LMNTD1: variants seen among roughly 807,000 people sequenced by gnomAD.
The protein encoded by LMNTD1 is lamin tail domain-containing protein 1.
A neutral mutation model predicts 50.9 loss-of-function variants in LMNTD1; 35 were observed. The ratio of observed to expected loss-of-function variants is 0.69; its 90% confidence interval spans 0.53 to 0.91. The LOEUF is 0.91. LMNTD1 is among the 40% of genes least tolerant of loss of function. The pLI is 0.00. For missense variants in LMNTD1, 470 were observed against 475.5 expected (o/e 0.99, Z 0.11); for synonymous variants, 153 against 161.9 (o/e 0.94, Z 0.42).
chr12:25,525,423 G>T (rs750167981), intron 6 of LMNTD1, among the ~76,000 whole-genome samples: 1 of 152,068 alleles, frequency 6.6e-6, no homozygotes, highest in African/African-American at 2.4e-5. Context: ...AAATAGAGAA[G>T]AGTATCAATA....
At chr12:25,535,731 T>C (rs1222689042) in intron 4 of LMNTD1, among the ~76,000 whole-genome samples, 1 of 152,104 alleles carries the variant, frequency 6.6e-6, no homozygotes, top group Non-Finnish European at 1.5e-5. Context: ...ATCATATTAA[T>C]GATAGCCTTA....
intron 1 of LMNTD1, among the ~76,000 whole-genome samples, chr12:25,623,133 C>T (rs1024647475): frequency 1.3e-5 from 2 of 152,076 alleles, no homozygotes. Flanking sequence ...AAAACTCTAT[C>T]GTTTCCTGTA....
At chr12:25,557,285 G>A (rs1025110017), upstream of LMNTD1, 8 of 152,144 alleles carry the variant, frequency 5.3e-5, no homozygotes, top group Non-Finnish European at 1.0e-4. Context: ...TATTTCAAGA[G>A]AGGCTAGAGG....
chr12:25,603,561 G>A (rs906762420), intron 1 of LMNTD1, among the ~76,000 whole-genome samples: 1 of 151,850 alleles, frequency 6.6e-6, no homozygotes, highest in African/African-American at 2.4e-5. Flanking sequence ...GCCCCTAAGA[G>A]GTAAGTACAG....
At chr12:25,644,337 T>C (rs1466054760) in intron 1 of LMNTD1, among the ~76,000 whole-genome samples, 1 of 82,184 alleles carries the variant, frequency 1.2e-5, no homozygotes, top group Non-Finnish European at 2.9e-5. Context: ...AAAAAAAAAT[T>C]AGCCAAGCAT....
intron 2 of LMNTD1, among the ~76,000 whole-genome samples, chr12:25,552,344 C>A (rs558489958): frequency 6.6e-6 from 1 of 151,784 alleles, no homozygotes; most frequent in Admixed American, 6.6e-5. Flanking sequence ...GGAGGCCAGG[C>A]GCGGTGGCTC....
At chr12:25,483,766 C>A (rs1388778727) in intron 9 of LMNTD1, among the ~76,000 whole-genome samples, 1 of 53,088 alleles carries the variant, frequency 1.9e-5, no homozygotes, top group Non-Finnish European at 4.6e-5. Flanking sequence ...GAGTGACATT[C>A]CATCTCAAAA....
chr12:25,518,467 T>C (rs2136026275), intron 8 of LMNTD1, among the ~76,000 whole-genome samples: 1 of 146,228 alleles, frequency 6.8e-6, no homozygotes, highest in South Asian at 2.3e-4. Flanking sequence ...TAAGAACAGT[T>C]TTTGCTGCCT....
chr12:25,477,609 G>C (rs563984195), intron 9 of LMNTD1, among the ~76,000 whole-genome samples: 1 of 152,256 alleles, frequency 6.6e-6, no homozygotes, highest in African/African-American at 2.4e-5. Context: ...CCAGCATAAG[G>C]AGCCAGCTGG....
At chr12:25,620,327 CA>C (rs572812377) in intron 1 of LMNTD1, among the ~76,000 whole-genome samples, 102 of 152,068 alleles carry the variant, frequency 6.7e-4, no homozygotes, top group African/African-American at 2.3e-3. Context: ...TTCTCAATTC[CA>C]ATTTTCACAG....
intron 1 of LMNTD1, among the ~76,000 whole-genome samples, chr12:25,634,982 T>A (rs1243234192): frequency 6.6e-6 from 1 of 152,178 alleles, no homozygotes; most frequent in African/African-American, 2.4e-5. Flanking sequence ...GGCTCATGCC[T>A]GTAATCTCAA....
intron 1 of LMNTD1, among the ~76,000 whole-genome samples, chr12:25,613,246 A>C (rs1261091340): frequency 1.3e-5 from 2 of 152,216 alleles, no homozygotes; most frequent in East Asian, 3.8e-4. Flanking sequence ...AATGCACCAC[A>C]CAGATCCTGT....
intron 4 of LMNTD1, among the ~76,000 whole-genome samples, chr12:25,532,951 A>G (rs778884929): frequency 2.6e-5 from 4 of 152,144 alleles, no homozygotes; most frequent in Non-Finnish European, 5.9e-5. Context: ...TTTTAAACAG[A>G]TAAGACCCTG....
intron 1 of LMNTD1, among the ~76,000 whole-genome samples, chr12:25,562,038 A>G (rs12582556): frequency 0.067 from 10,184 of 152,178 alleles, 428 homozygotes; most frequent in African/African-American, 0.11. Context: ...GTCTCTGCAC[A>G]TGAGATGGGT....
chr12:25,588,461 TATA>T (rs1474696845), intron 1 of LMNTD1, among the ~76,000 whole-genome samples: 1 of 152,104 alleles, frequency 6.6e-6, no homozygotes, highest in Non-Finnish European at 1.5e-5. Context: ...CTTTCACAAG[TATA>T]ATATTGATGT....
At chr12:25,568,572 G>A (rs1405008768) in intron 1 of LMNTD1, among the ~76,000 whole-genome samples, 2 of 152,194 alleles carry the variant, frequency 1.3e-5, no homozygotes, top group African/African-American at 4.8e-5. Flanking sequence ...AGACTTATGA[G>A]GCAGCTCTTC....
intron 1 of LMNTD1, among the ~76,000 whole-genome samples, chr12:25,569,367 G>C (rs1944692192): frequency 6.6e-6 from 1 of 152,154 alleles, no homozygotes. Flanking sequence ...TACCACCATT[G>C]TATCTGGGAA....
intron 1 of LMNTD1, among the ~76,000 whole-genome samples, chr12:25,564,505 C>T (rs1393306201): frequency 6.6e-6 from 1 of 152,212 alleles, no homozygotes; most frequent in African/African-American, 2.4e-5. Context: ...GATCCACCTA[C>T]CTCAGCCTCC....
At chr12:25,619,252 C>CTCTCTCTCTCTATATATATATATATA (rs1374134268) in intron 1 of LMNTD1, among the ~76,000 whole-genome samples, 14 of 84,426 alleles carry the variant, frequency 1.7e-4, no homozygotes, top group African/African-American at 2.0e-4. Flanking sequence ...CTCTCTCTCT[C>CTCTCTCTCTCTATATATATATATATA]TATATATATA....
Sources: gnomAD v4.1 joint callset for allele counts (sites outside exome capture counted in the v4.1 genomes callset) on GRCh38, gnomAD v4.1.1 for gene constraint, MANE v1.5 for transcripts, NCBI Gene and HGNC (gene_info 2026-07-23, HGNC 2026-07-21) for gene names.